Variants in KIF5C observed in about 807,000 individuals in gnomAD.
KIF5C encodes the protein kinesin family member 5C, also known as kinesin heavy chain isoform 5C.
KIF5C carries 18 observed loss-of-function variants against 125.2 expected under a neutral mutation model. The observed-to-expected ratio is 0.14, with a 90% confidence interval of 0.10 to 0.21. The LOEUF is 0.21. KIF5C is among the 10% of genes least tolerant of loss of function. The probability of loss-of-function intolerance (pLI) is 1.00; values close to 1 mark genes in which losing one functional copy is unlikely to be tolerated. For synonymous variants in KIF5C, 405 were observed against 434.0 expected (o/e 0.93, Z 0.83); for missense variants, 780 against 1,183.8 (o/e 0.66, Z 5.01).
At chr2:148,996,906 A>C (rs528302263) in intron 17 of KIF5C, among the ~76,000 whole-genome samples, 48 of 152,284 alleles carry the variant, frequency 3.2e-4, no homozygotes, top group Non-Finnish European at 5.6e-4. Flanking sequence ...AGGCCCGTTC[A>C]TGCACATGAC....
intron 1 of KIF5C, among the ~76,000 whole-genome samples, chr2:148,881,069 G>C (rs539839373): frequency 6.6e-6 from 1 of 151,226 alleles, no homozygotes; most frequent in Non-Finnish European, 1.5e-5. Context: ...ATGAAATGAA[G>C]TGGTGAGAGA....
chr2:148,989,213 T>C (rs556805071), intron 15 of KIF5C, among the ~76,000 whole-genome samples: 73 of 152,284 alleles, frequency 4.8e-4, no homozygotes, highest in African/African-American at 1.7e-3. Context: ...GAATATACGA[T>C]GTTTGGTTTT....
chr2:148,938,784 A>G (rs578158327), intron 4 of KIF5C, among the ~76,000 whole-genome samples: 24 of 152,210 alleles, frequency 1.6e-4, no homozygotes, highest in African/African-American at 5.5e-4. Context: ...AGGAAACGGA[A>G]GTTTAAAGAT....
chr2:148,913,180 G>A (rs1681410722), intron 1 of KIF5C, among the ~76,000 whole-genome samples: 4 of 152,210 alleles, frequency 2.6e-5, no homozygotes, highest in South Asian at 4.1e-4. Context: ...AAACCCAAAT[G>A]TGTGGAATTC....
chr2:149,004,603 A>G (rs1003410233), intron 21 of KIF5C, among the ~76,000 whole-genome samples: 1 of 152,268 alleles, frequency 6.6e-6, no homozygotes, highest in Non-Finnish European at 1.5e-5. Context: ...GAAAGTTTTA[A>G]CAACAACAAT....
At chr2:148,942,597 GA>G in intron 6 of KIF5C, 75 bp from the exon 7 acceptor site, 2 of 1,543,936 alleles carry the variant, frequency 1.3e-6, no homozygotes, top group Non-Finnish European at 1.8e-6. Flanking sequence ...AGATAAACAG[GA>G]AAATGTTTCA....
chr2:148,976,301 G>T (rs554716204), intron 12 of KIF5C, among the ~76,000 whole-genome samples: 1 of 142,206 alleles, frequency 7.0e-6, no homozygotes, highest in East Asian at 2.1e-4. Context: ...ATGGAGTCTC[G>T]CTCTGTCACT....
intron 1 of KIF5C, among the ~76,000 whole-genome samples, chr2:148,886,821 C>T (rs1401904630): frequency 1.3e-5 from 2 of 152,186 alleles, no homozygotes; most frequent in Non-Finnish European, 2.9e-5. Context: ...CACCCAGACT[C>T]CCCTAGGATA....
chr2:148,879,723 T>C (rs1446629972), intron 1 of KIF5C: 1 of 152,278 alleles, frequency 6.6e-6, no homozygotes, highest in East Asian at 1.9e-4. Context: ...ACTGTATTAA[T>C]GGAAGCTCTC....
intron 1 of KIF5C, among the ~76,000 whole-genome samples, chr2:148,913,221 C>T (rs768520196): frequency 2.0e-5 from 3 of 152,134 alleles, no homozygotes; most frequent in Admixed American, 6.5e-5. Flanking sequence ...GGAACAGTTA[C>T]AAGATGCAAT....
chr2:148,938,924 A>G lies in KIF5C; in HGVS notation c.396+1536A>G, dbSNP rs368958709. Among the ~76,000 whole-genome samples the G allele has an allele frequency of 5.6e-4, 80 of 141,662 alleles. No individual in the cohort carries two copies. The East Asian group carries it at 0.013, about 24-fold the overall frequency. The allele number at this position is 141,662 out of a possible 152,430, so 92.9% of individuals were successfully genotyped here. ...AACATGGTGAAACCCTGTCTCAACTAAAAAAAAAAAATACAAAAAAAGTAG... is the reference window on the plus strand; with the variant it reads ...AACATGGTGAAACCCTGTCTCAACTGAAAAAAAAAAATACAAAAAAAGTAG... On this transcript the variant is annotated intron_variant, in intron 4 of 25. Transcript: ENST00000435030.
At chr2:148,996,814 G>T (rs1363220735) in intron 17 of KIF5C, among the ~76,000 whole-genome samples, 3 of 152,198 alleles carry the variant, frequency 2.0e-5, no homozygotes, top group Admixed American at 1.3e-4. Flanking sequence ...CCCATGGGAG[G>T]TAAATTAGGT....
At chr2:149,005,935 C>T (rs1323462902) in intron 22 of KIF5C, among the ~76,000 whole-genome samples, 1 of 152,170 alleles carries the variant, frequency 6.6e-6, no homozygotes, top group East Asian at 1.9e-4. Flanking sequence ...GTAAGTGGTG[C>T]TTAGTGTTCC....
chr2:148,959,007 C>T (rs1365621220), intron 10 of KIF5C, among the ~76,000 whole-genome samples: 3 of 151,736 alleles, frequency 2.0e-5, no homozygotes, highest in Admixed American at 2.0e-4. Flanking sequence ...CTTTGCCTAC[C>T]CCAAGGTCTT....
chr2:149,005,462 A>G lies in KIF5C; in HGVS notation c.2443A>G (p.Lys815Glu). The G allele has an allele frequency of 6.2e-7, 1 of 1,613,674 alleles. No individual in the cohort carries two copies. The highest frequency in any genetic ancestry group is 8.5e-7 in the Non-Finnish European group (1 of 1,179,804). Residue 815 changes from lysine (K) to glutamate (E), a missense_variant and splice_region_variant, in exon 22 of 26, where the codon AAA (lysine) becomes GAA (glutamate). By Grantham distance (56) the Lys-to-Glu change is moderately conservative (BLOSUM62 1). Coordinates refer to ENST00000435030, the MANE Select transcript of KIF5C (RefSeq NM_004522.3). ...FVQDLTTRVKKSVELDNDDGG... is the reference protein window; with the variant it reads ...FVQDLTTRVKESVELDNDDGG... ...CCAGGATCTGACCACCCGAGTTAAA[A>G]AAGTGAGTTCTCTTTGTCTGAATGG...
chr2:149,001,441 C>T (rs1681848858), intron 21 of KIF5C, among the ~76,000 whole-genome samples: 1 of 152,100 alleles, frequency 6.6e-6, no homozygotes. Flanking sequence ...GTGGCTGCAG[C>T]TGAGGGAAGG....
intron 16 of KIF5C, among the ~76,000 whole-genome samples, chr2:148,992,405 A>T (rs1017289451): frequency 5.3e-5 from 8 of 152,244 alleles, no homozygotes; most frequent in African/African-American, 1.9e-4. Flanking sequence ...TTCATTGTTA[A>T]TGAAAATGAA....
intron 11 of KIF5C, among the ~76,000 whole-genome samples, chr2:148,968,629 G>A (rs1680810719): frequency 6.6e-6 from 1 of 152,114 alleles, no homozygotes; most frequent in South Asian, 2.1e-4. Flanking sequence ...AATGTAAGGA[G>A]GATGCAGAGT....
intron 11 of KIF5C, among the ~76,000 whole-genome samples, chr2:148,966,826 G>A (rs976123886): frequency 1.3e-5 from 2 of 152,020 alleles, no homozygotes; most frequent in African/African-American, 4.8e-5. Flanking sequence ...CCTTCCCTCT[G>A]GTCTCCACTA....
Sources: allele counts gnomAD v4.1 joint callset (sites outside exome capture counted in the v4.1 genomes callset), GRCh38; gene constraint gnomAD v4.1.1; transcripts MANE v1.5; gene names NCBI Gene and HGNC (gene_info 2026-07-23, HGNC 2026-07-21).